Variants in SPECC1 observed in about 807,000 individuals in gnomAD.
The protein encoded by SPECC1 is sperm antigen with calponin homology and coiled-coil domains 1.
A neutral mutation model predicts 104.1 loss-of-function variants in SPECC1; 62 were observed. The observed-to-expected ratio is 0.60, with a 90% CI of 0.49 to 0.74. The LOEUF (loss-of-function observed/expected upper bound fraction) is 0.74. Ranked by LOEUF, SPECC1 falls within the 30% of genes least tolerant of loss-of-function variation. The probability of loss-of-function intolerance (pLI) is 0.00; values close to 1 mark genes in which losing one functional copy is unlikely to be tolerated. For missense variants in SPECC1, 1,306 were observed against 1,310.5 expected (o/e 1.00, Z 0.05); for synonymous variants, 513 against 501.6 (o/e 1.02, Z -0.30).
chr17:20,021,702 A>ATATATTTT (rs1402960712), intron 1 of SPECC1, among the ~76,000 whole-genome samples: 8 of 139,276 alleles, frequency 5.7e-5, no homozygotes, highest in African/African-American at 2.1e-4. Flanking sequence ...ATATATATAT[A>ATATATTTT]TTTTTTTGTA....
At chr17:20,137,121 C>T (rs1274317460) in intron 3 of SPECC1, among the ~76,000 whole-genome samples, 1 of 152,238 alleles carries the variant, frequency 6.6e-6, no homozygotes, top group African/African-American at 2.4e-5. Flanking sequence ...GAGATTTCTG[C>T]CCACTCCTGT....
chr17:20,213,539 A>G (rs556986236), intron 4 of SPECC1, among the ~76,000 whole-genome samples: 2 of 152,350 alleles, frequency 1.3e-5, no homozygotes, highest in Admixed American at 1.3e-4. Context: ...CACCTTTGAA[A>G]GCCTTGTTGA....
chr17:20,221,414 T>C (rs1191580519), intron 4 of SPECC1, among the ~76,000 whole-genome samples: 1 of 152,198 alleles, frequency 6.6e-6, no homozygotes, highest in Non-Finnish European at 1.5e-5. Flanking sequence ...TAGGAATTTA[T>C]CCATTTCTTC....
chr17:20,254,250 C>T (rs1333688309), intron 10 of SPECC1, among the ~76,000 whole-genome samples: 1 of 151,684 alleles, frequency 6.6e-6, no homozygotes, highest in Non-Finnish European at 1.5e-5. Context: ...CAGTCCCCAT[C>T]CATCACATTT....
chr17:20,278,757 G>A (rs1041452126), intron 12 of SPECC1, among the ~76,000 whole-genome samples: 2 of 149,934 alleles, frequency 1.3e-5, no homozygotes, highest in African/African-American at 2.5e-5. Flanking sequence ...AGTTAGCCTC[G>A]TCTTCTGACT....
At chr17:20,183,841 G>A (rs1339068500) in intron 3 of SPECC1, among the ~76,000 whole-genome samples, 1 of 151,972 alleles carries the variant, frequency 6.6e-6, no homozygotes, top group African/African-American at 2.4e-5. Flanking sequence ...AAATATGGAA[G>A]GCCGACTATA....
chr17:20,166,479 T>A (rs2033657438), intron 3 of SPECC1, among the ~76,000 whole-genome samples: 1 of 152,084 alleles, frequency 6.6e-6, no homozygotes, highest in Admixed American at 6.5e-5. Flanking sequence ...AAATTTTGAG[T>A]CAAATAGGAA....
intron 1 of SPECC1, among the ~76,000 whole-genome samples, chr17:20,046,305 A>C (rs1339128447): frequency 1.3e-5 from 2 of 152,060 alleles, no homozygotes; most frequent in East Asian, 1.9e-4. Flanking sequence ...TTTTCTTTCT[A>C]GGCTTCTTAA....
At chr17:20,208,904 A>G (rs1255920037) in intron 4 of SPECC1, among the ~76,000 whole-genome samples, 1 of 152,060 alleles carries the variant, frequency 6.6e-6, no homozygotes, top group East Asian at 1.9e-4. Flanking sequence ...GGCTCAAGCA[A>G]TCCTCCCACC....
rs1289036204 is a variant in SPECC1, at chr17:20,036,063, G to A, written c.-22+26639G>A. On this transcript the variant is annotated intron_variant, in intron 1 of 14. Coordinates refer to ENST00000395527, the MANE Select transcript of SPECC1 (RefSeq NM_001243439.2). The stretch of plus-strand genomic sequence containing the variant: ...CCTGACCTTGTGATCTGCCTGCCTC[G>A]GCCTCCCAAAGTGGTGGGATTACAG... Among the ~76,000 whole-genome samples, 9 of 152,018 alleles carry A rather than the reference G, an allele frequency of 5.9e-5. No homozygotes were observed. The South Asian group carries it at 1.2e-3, about 21-fold the overall frequency.
At chr17:20,168,920 T>A (rs1339261490) in intron 3 of SPECC1, among the ~76,000 whole-genome samples, 1 of 152,228 alleles carries the variant, frequency 6.6e-6, no homozygotes, top group Non-Finnish European at 1.5e-5. Flanking sequence ...TCATCCAGGC[T>A]GGAGTACAGT....
intron 3 of SPECC1, among the ~76,000 whole-genome samples, chr17:20,188,324 T>C (rs1383826549): frequency 1.3e-5 from 2 of 151,268 alleles, no homozygotes; most frequent in African/African-American, 4.9e-5. Flanking sequence ...AGTGGTGTGA[T>C]CTCGGCTCAC....
At chr17:20,129,780 G>A (rs1597780535) in intron 3 of SPECC1, among the ~76,000 whole-genome samples, 1 of 151,832 alleles carries the variant, frequency 6.6e-6, no homozygotes, top group Admixed American at 6.6e-5. Flanking sequence ...TTGAGACAGA[G>A]TCTAACTCTG....
At chr17:20,297,124 A>C (rs528189284) in intron 13 of SPECC1, 47 bp downstream of exon 13, 3 of 1,542,892 alleles carry the variant, frequency 1.9e-6, no homozygotes, top group Middle Eastern at 1.7e-4. Flanking sequence ...GAAATGCAGG[A>C]GTCCTAATTG....
chr17:20,071,105 C>T (rs1418921465), intron 1 of SPECC1, among the ~76,000 whole-genome samples: 2 of 152,192 alleles, frequency 1.3e-5, no homozygotes, highest in African/African-American at 2.4e-5. Flanking sequence ...AATCATAGTG[C>T]GCTACAGCCT....
intron 13 of SPECC1, among the ~76,000 whole-genome samples, chr17:20,297,800 C>T (rs769905835): frequency 6.6e-6 from 1 of 152,220 alleles, no homozygotes; most frequent in Non-Finnish European, 1.5e-5. Context: ...TTGGAAAATA[C>T]TGTGCTGGGT....
In SPECC1 at chr17:20,205,464, G is replaced by A. The variant is rs979239024; in HGVS notation, c.1415G>A (p.Gly472Asp). ...KIIELEQKCT[G>D]ILEQGRFERE... ...ATTGAACTGGAGCAGAAGTGCACAG[G>A]TATTCTTGAACAGGGCCGCTTTGAA... The change falls in exon 4 of 15, where the codon GGT becomes GAT. Residue 472 changes from glycine to aspartate, a missense_variant. Gly to Asp is a moderately conservative substitution (Grantham distance 94). Coordinates refer to ENST00000395527, the MANE Select transcript of SPECC1 (RefSeq NM_001243439.2). The A allele has an allele frequency of 1.9e-6, 3 of 1,614,084 alleles. No individual in the cohort carries two copies. The highest frequency in any genetic ancestry group is 1.3e-5 in the African/African-American group (1 of 75,062).
chr17:20,206,083 T>C (rs537051324), intron 4 of SPECC1, among the ~76,000 whole-genome samples, 171 bp downstream of exon 4: 1 of 152,272 alleles, frequency 6.6e-6, no homozygotes, highest in East Asian at 1.9e-4. Flanking sequence ...GATTGGGGGA[T>C]ACAAAAAGGA....
rs961167165 is a variant in SPECC1 at position 20,238,704 on chromosome 17, A to T, written c.2351+6299A>T. ...TGGGCACTCTTTACCTCAGATTCAG[A>T]GTTCTTAGGATTATTTAAAATTCAT... On this transcript the variant is annotated intron_variant, in intron 7 of 14. Coordinates refer to ENST00000395527, the MANE Select transcript of SPECC1 (RefSeq NM_001243439.2). 4.8e-6 allele frequency: 5 copies of T among 1,040,210 alleles called. No homozygotes were observed. In the African/African-American group the frequency reaches 8.4e-5, roughly 17 times the overall value. The allele number at this position is 1,040,210 out of a possible 1,614,324, so 64.4% of individuals were successfully genotyped here.
Sources: gnomAD v4.1 joint callset for allele counts (sites outside exome capture counted in the v4.1 genomes callset) on GRCh38, gnomAD v4.1.1 for gene constraint, MANE v1.5 for transcripts, NCBI Gene and HGNC (gene_info 2026-07-23, HGNC 2026-07-21) for gene names.